PIP4K2A: variants seen among roughly 807,000 people sequenced by gnomAD.
PIP4K2A encodes the protein phosphatidylinositol 5-phosphate 4-kinase type-2 alpha.
Under a neutral mutation model 42.9 loss-of-function variants are expected in PIP4K2A, and 14 were observed. That is an observed-to-expected ratio of 0.33 (90% CI 0.22 to 0.51). The LOEUF (loss-of-function observed/expected upper bound fraction) is 0.51, where lower values mean the gene tolerates loss of function less well. PIP4K2A is among the 20% of genes least tolerant of loss of function. The pLI, the probability that PIP4K2A is intolerant of heterozygous loss-of-function variation, is 0.97. For missense variants in PIP4K2A, 434 were observed against 519.8 expected (o/e 0.83, Z 1.61); for synonymous variants, 192 against 192.2 (o/e 1.00, Z 0.01).
intron 7 of PIP4K2A, 117 bp from the exon 8 acceptor site, chr10:22,542,164 C>G: frequency 1.3e-6 from 1 of 793,844 alleles, no homozygotes; most frequent in Admixed American, 2.5e-5. Flanking sequence ...GCAGCAGAGG[C>G]GCCGGGTGCC....
At chr10:22,664,242 C>T (rs1356930077) in intron 1 of PIP4K2A, among the ~76,000 whole-genome samples, 4 of 131,704 alleles carry the variant, frequency 3.0e-5, no homozygotes, top group East Asian at 4.3e-4. Context: ...CACACACACA[C>T]ACACACACAT....
At chr10:22,601,226 C>A (rs2130837069) in intron 3 of PIP4K2A, among the ~76,000 whole-genome samples, 1 of 149,810 alleles carries the variant, frequency 6.7e-6, no homozygotes, top group South Asian at 2.1e-4. Context: ...AGAGAAGCAC[C>A]CAGTAGCAAG....
intron 1 of PIP4K2A, among the ~76,000 whole-genome samples, chr10:22,630,647 C>T (rs1043718186): frequency 2.3e-4 from 35 of 152,344 alleles, no homozygotes; most frequent in Admixed American, 1.4e-3. Flanking sequence ...TGTTTTTAGA[C>T]ATTAGCAAAT....
At position 22,535,973 on chromosome 10, in the gene PIP4K2A, A is replaced by C. The variant is rs557841769; in HGVS notation, c.*1228T>G. The C allele has an allele frequency of 2.5e-6, 1 of 395,602 alleles. No homozygotes were observed. The highest frequency in any genetic ancestry group is 4.5e-6 in the Non-Finnish European group (1 of 224,582). The allele number at this position is 395,602 out of a possible 1,614,324, so 24.5% of individuals were successfully genotyped here. On this transcript the variant is annotated 3_prime_UTR_variant, in exon 10 of 10. Coordinates refer to ENST00000376573, the MANE Select transcript of PIP4K2A (RefSeq NM_005028.5). The stretch of plus-strand genomic sequence containing the variant: ...AACACTCACGTAAAAACATGGCTGC[A>C]GGATACGTCTCAAAATATGACAAAC...
intron 1 of PIP4K2A, among the ~76,000 whole-genome samples, chr10:22,652,829 C>A (rs1167987954): frequency 6.6e-6 from 1 of 152,186 alleles, no homozygotes; most frequent in Non-Finnish European, 1.5e-5. Flanking sequence ...CGCAGTGGCT[C>A]ACGCCTACAA....
At chr10:22,668,099 G>T (rs916797281) in intron 1 of PIP4K2A, among the ~76,000 whole-genome samples, 1 of 152,006 alleles carries the variant, frequency 6.6e-6, no homozygotes, top group Admixed American at 6.5e-5. Flanking sequence ...CTATAGGCGC[G>T]TGCTACCAAT....
intron 4 of PIP4K2A, among the ~76,000 whole-genome samples, chr10:22,576,693 G>A (rs535821428): frequency 7.2e-5 from 11 of 152,282 alleles, no homozygotes; most frequent in African/African-American, 2.6e-4. Flanking sequence ...AAAGCCTGGT[G>A]CATAAAAAGT....
Position 22,536,725 on chromosome 10 carries a change from A to AAAAAAAAAAAAAAAAAC in PIP4K2A, c.*475_*476insGTTTTTTTTTTTTTTTT, listed in dbSNP as rs1554791611. On this transcript the variant is annotated 3_prime_UTR_variant, in exon 10 of 10. Transcript: ENST00000376573. ...ACATCTTTCAACTCCAAAAAAAAAA[A>AAAAAAAAAAAAAAAAAC]AAAAAAAAAAAAACTGATCCACAGT... 1 of 124,102 alleles carries AAAAAAAAAAAAAAAAAC rather than the reference A, an allele frequency of 8.1e-6. No individual in the cohort carries two copies. The highest frequency in any genetic ancestry group is 1.8e-5 in the Non-Finnish European group (1 of 56,022). The allele number at this position is 124,102 out of a possible 1,614,324, so 7.7% of individuals were successfully genotyped here. A position where few individuals can be genotyped will look rare whatever the true frequency, so the allele number is the denominator to read the frequency against.
At chr10:22,581,813 T>A (rs1013612758) in intron 4 of PIP4K2A, among the ~76,000 whole-genome samples, 10 of 152,054 alleles carry the variant, frequency 6.6e-5, no homozygotes, top group African/African-American at 9.7e-5. Context: ...TGTCTTTTTT[T>A]AAAAAACAAT....
chr10:22,653,757 C>T (rs1308246307), intron 1 of PIP4K2A, among the ~76,000 whole-genome samples: 2 of 152,260 alleles, frequency 1.3e-5, no homozygotes, highest in East Asian at 1.9e-4. Flanking sequence ...CTACTGTAAT[C>T]CCAGCTACTC....
chr10:22,579,936 G>GA (rs1409576696), intron 4 of PIP4K2A, among the ~76,000 whole-genome samples: 3 of 150,352 alleles, frequency 2.0e-5, no homozygotes, highest in Admixed American at 6.6e-5. Context: ...AAAGAAAAAA[G>GA]AAAAAAAAAG....
At chr10:22,713,798 GC>G (rs1440642242) in intron 1 of PIP4K2A, 4 of 155,740 alleles carry the variant, frequency 2.6e-5, no homozygotes, top group Non-Finnish European at 5.7e-5. Context: ...CCCGGACCCG[GC>G]CCCCAGCAGC....
chr10:22,556,846 C>A (rs1564419311), intron 6 of PIP4K2A, among the ~76,000 whole-genome samples: 2 of 152,040 alleles, frequency 1.3e-5, no homozygotes, highest in Admixed American at 6.5e-5. Flanking sequence ...CCTCATTTTG[C>A]AAAGTTTTTG....
intron 7 of PIP4K2A, 83 bp downstream of exon 7, chr10:22,550,576 A>T (rs1323720147): frequency 8.7e-6 from 7 of 808,980 alleles, no homozygotes; most frequent in South Asian, 8.6e-5. Flanking sequence ...TGAAGATTTA[A>T]ATAGATGGTT....
At chr10:22,647,132 T>C (rs1838901354) in intron 1 of PIP4K2A, among the ~76,000 whole-genome samples, 1 of 152,202 alleles carries the variant, frequency 6.6e-6, no homozygotes, top group African/African-American at 2.4e-5. Flanking sequence ...CAAAGCAGAA[T>C]AGGAAATGCA....
chr10:22,706,274 G>C (rs904968904), intron 1 of PIP4K2A, among the ~76,000 whole-genome samples: 2 of 152,106 alleles, frequency 1.3e-5, no homozygotes, highest in African/African-American at 4.8e-5. Context: ...GATTCTCCAA[G>C]TCCCCCAGGC....
chr10:22,590,396 T>G (rs2130820045), intron 4 of PIP4K2A, among the ~76,000 whole-genome samples: 1 of 152,308 alleles, frequency 6.6e-6, no homozygotes, highest in African/African-American at 2.4e-5. Context: ...TACGTTATTT[T>G]TATACCATGG....
At chr10:22,597,373 C>G (rs1837657460) in intron 3 of PIP4K2A, among the ~76,000 whole-genome samples, 1 of 152,158 alleles carries the variant, frequency 6.6e-6, no homozygotes, top group Non-Finnish European at 1.5e-5. Flanking sequence ...GATGTCAACC[C>G]TAAGAATTCT....
chr10:22,678,195 C>A (rs1184007137), intron 1 of PIP4K2A, among the ~76,000 whole-genome samples: 1 of 151,722 alleles, frequency 6.6e-6, no homozygotes, highest in Non-Finnish European at 1.5e-5. Flanking sequence ...CCCCTGCCAA[C>A]CCCCCTTTCA....
Sources: allele counts gnomAD v4.1 joint callset (sites outside exome capture counted in the v4.1 genomes callset), GRCh38; gene constraint gnomAD v4.1.1; transcripts MANE v1.5; gene names NCBI Gene and HGNC (gene_info 2026-07-23, HGNC 2026-07-21).